Variants in RAD51B observed in about 807,000 individuals in gnomAD.
The protein encoded by RAD51B is DNA repair protein RAD51 homolog 2.
A neutral mutation model predicts 42.2 loss-of-function variants in RAD51B; 38 were observed. The observed-to-expected ratio is 0.90, with a 90% CI of 0.70 to 1.18. The LOEUF is 1.18. RAD51B is among the 50% of genes most tolerant of loss of function. RAD51B has a pLI of 0.00. For synonymous variants in RAD51B, 154 were observed against 145.2 expected (o/e 1.06, Z -0.43); for missense variants, 373 against 400.7 (o/e 0.93, Z 0.59).
At position 67,877,373 on chromosome 14, in the gene RAD51B, G is replaced by GA. The variant is rs1458879016; in HGVS notation, c.453-8494dup. On this transcript the variant is annotated intron_variant, in intron 5 of 10. Coordinates refer to ENST00000471583, the MANE Select transcript of RAD51B (RefSeq NM_133510.4). ...ATGGCTAATAAGATAGCTGAGAGGT[G>GA]AACTCATATCCTCTTTCCACTGAAC... 1.2e-4 allele frequency among the ~76,000 whole-genome samples: 19 copies of GA among 152,174 alleles called. No homozygotes were observed. The East Asian group carries it at 3.3e-3, about 26-fold the overall frequency.
chr14:68,103,356 A>G (rs2077323300), intron 7 of RAD51B, among the ~76,000 whole-genome samples: 1 of 152,354 alleles, frequency 6.6e-6, no homozygotes, highest in South Asian at 2.1e-4. Context: ...TCTTATGAGA[A>G]ACTAGAAAAT....
At chr14:68,090,629 T>C (rs920150262) in intron 7 of RAD51B, among the ~76,000 whole-genome samples, 2 of 151,820 alleles carry the variant, frequency 1.3e-5, no homozygotes, top group East Asian at 1.9e-4. Flanking sequence ...AAGTATATGG[T>C]AGACTCTTTA....
intron 8 of RAD51B, among the ~76,000 whole-genome samples, chr14:68,398,691 G>T (rs959736550): frequency 1.3e-5 from 2 of 152,072 alleles, no homozygotes; most frequent in African/African-American, 4.8e-5. Context: ...TGGGAAGCAG[G>T]GTGGGGGATT....
chr14:68,426,007 C>CCTTCCTTCCTTCCTTCCTTT (rs1183115143), intron 9 of RAD51B, among the ~76,000 whole-genome samples: 26 of 116,668 alleles, frequency 2.2e-4, no homozygotes, highest in Non-Finnish European at 3.3e-4. Context: ...TTCCTTCCTT[C>CCTTCCTTCCTTCCTTCCTTT]CTTTCTTTCT....
intron 7 of RAD51B, among the ~76,000 whole-genome samples, chr14:68,113,538 C>G (rs889280890): frequency 1.3e-5 from 2 of 152,100 alleles, no homozygotes; most frequent in Non-Finnish European, 2.9e-5. Flanking sequence ...AATGAGTTCT[C>G]ACAGTACGAC....
intron 10 of RAD51B, among the ~76,000 whole-genome samples, chr14:68,572,871 C>G (rs8009944): frequency 6.6e-6 from 1 of 151,958 alleles, no homozygotes; most frequent in African/African-American, 2.4e-5. Context: ...TACATGTTTT[C>G]GCTCATTTAA....
chr14:68,458,780 G>A (rs188836711), intron 9 of RAD51B, among the ~76,000 whole-genome samples: 6 of 152,096 alleles, frequency 3.9e-5, no homozygotes, highest in Admixed American at 3.9e-4. Context: ...AACTTGGGAA[G>A]TAGGCCACAT....
At chr14:68,002,484 C>T (rs1253674286) in intron 7 of RAD51B, among the ~76,000 whole-genome samples, 1 of 152,092 alleles carries the variant, frequency 6.6e-6, no homozygotes, top group Non-Finnish European at 1.5e-5. Context: ...CTGTTAGAAA[C>T]TATAATCAGC....
At chr14:68,178,592 C>T in intron 7 of RAD51B, among the ~76,000 whole-genome samples, 1 of 152,120 alleles carries the variant, frequency 6.6e-6, no homozygotes, top group Non-Finnish European at 1.5e-5. Context: ...GAAGCCCAGG[C>T]CTTTCAATTT....
intron 8 of RAD51B, among the ~76,000 whole-genome samples, chr14:68,327,902 C>T (rs1354625314): frequency 6.6e-6 from 1 of 152,146 alleles, no homozygotes; most frequent in Non-Finnish European, 1.5e-5. Context: ...ATTTTGTCTT[C>T]TAGTTATTCA....
intron 8 of RAD51B, chr14:68,306,517 C>T (rs1016105484): frequency 7.9e-5 from 30 of 380,046 alleles, no homozygotes; most frequent in African/African-American, 4.8e-4. Context: ...CAAGCCCAAG[C>T]TGAACAGCTC....
intron 10 of RAD51B, among the ~76,000 whole-genome samples, chr14:68,546,492 T>G (rs1258276579): frequency 6.6e-6 from 1 of 152,164 alleles, no homozygotes; most frequent in Admixed American, 6.5e-5. Context: ...ATGTATGATT[T>G]GAGACAACCA....
intron 10 of RAD51B, among the ~76,000 whole-genome samples, chr14:68,625,719 G>A (rs1026611427): frequency 6.6e-6 from 1 of 152,166 alleles, no homozygotes; most frequent in African/African-American, 2.4e-5. Flanking sequence ...TGGGCAGATG[G>A]GGGAGGTCTT....
chr14:68,597,276 C>T (rs894321061), downstream of RAD51B, among the ~76,000 whole-genome samples: 3 of 152,140 alleles, frequency 2.0e-5, no homozygotes, highest in African/African-American at 7.2e-5. Context: ...GGGGAGTGGC[C>T]AGATCAGTCC....
Position 68,484,422 on chromosome 14 carries a change from A to G in RAD51B, c.1036+16172A>G, listed in dbSNP as rs566208355. Reference sequence around the variant, plus strand: ...GCCCAGGCTGGAGTACAGTGGCGCGATCTCAGCTCACTGCAACCTCCGCCT... The same window carrying G: ...GCCCAGGCTGGAGTACAGTGGCGCGGTCTCAGCTCACTGCAACCTCCGCCT... On this transcript the variant is annotated intron_variant, in intron 10 of 10. Transcript: ENST00000487270. 5.7e-5 allele frequency among the ~76,000 whole-genome samples: 8 copies of G among 141,352 alleles called. No homozygotes were observed. In the Admixed American group the frequency reaches 5.8e-4, roughly 10 times the overall value. 92.7% of individuals were successfully genotyped at this position (141,352 alleles called of 152,430 possible).
chr14:67,912,774 C>T (rs1188381519), intron 7 of RAD51B, among the ~76,000 whole-genome samples: 4 of 150,918 alleles, frequency 2.7e-5, no homozygotes, highest in Non-Finnish European at 4.4e-5. Flanking sequence ...GGCGCGATCT[C>T]GGCTCACTGC....
At chr14:68,054,346 G>T (rs960358097) in intron 7 of RAD51B, among the ~76,000 whole-genome samples, 1 of 152,016 alleles carries the variant, frequency 6.6e-6, no homozygotes, top group African/African-American at 2.4e-5. Context: ...CTGCTCTTTT[G>T]ATTTTCTCTA....
chr14:68,149,382 G>A (rs1048620424), intron 7 of RAD51B, among the ~76,000 whole-genome samples: 6 of 152,210 alleles, frequency 3.9e-5, no homozygotes, highest in African/African-American at 1.2e-4. Flanking sequence ...TCTGAAAGGT[G>A]TAAGGTCAGT....
chr14:68,006,007 C>T (rs1161912112), intron 7 of RAD51B, among the ~76,000 whole-genome samples: 1 of 152,088 alleles, frequency 6.6e-6, no homozygotes, highest in Non-Finnish European at 1.5e-5. Context: ...TTTTAAACAA[C>T]CAGGTGTCGT....
Sources: gnomAD v4.1 joint callset for allele counts (sites outside exome capture counted in the v4.1 genomes callset) on GRCh38, gnomAD v4.1.1 for gene constraint, MANE v1.5 for transcripts, NCBI Gene and HGNC (gene_info 2026-07-23, HGNC 2026-07-21) for gene names.